The following AAK1 variants were observed in gnomAD, a reference collection of about 807,000 sequenced individuals.
AAK1 encodes the protein AP2 associated kinase 1, also known as AP2-associated protein kinase 1.
In AAK1, 37 loss-of-function variants were observed where a neutral mutation model predicts 116.0. The ratio of observed to expected loss-of-function variants is 0.32; its 90% CI spans 0.25 to 0.42. The LOEUF (loss-of-function observed/expected upper bound fraction) is 0.42. Among genes scored for constraint, AAK1 ranks in the 10% least tolerant of loss-of-function variants. The probability of loss-of-function intolerance (pLI) is 1.00; values close to 1 mark genes in which losing one functional copy is unlikely to be tolerated. For missense variants in AAK1, 919 were observed against 1,170.6 expected (o/e 0.79, Z 3.14); for synonymous variants, 458 against 439.9 (o/e 1.04, Z -0.51).
In AAK1 at chr2:69,530,123, C is replaced by T; in HGVS notation, c.756G>A (p.Leu252=). The part of the protein sequence containing the change: ...KADIWALGCL[L]YKLCYFTLPF... ...GCAAAGTGAAGTAGCATAATTTATA[C>T]AACAAACATCCAAGAGCCTAAAAAA... The change falls in exon 8 of 22, where the codon TTG becomes TTA. Residue 252 remains leucine, a synonymous_variant. Coordinates refer to ENST00000409085, the MANE Select transcript of AAK1 (RefSeq NM_014911.5). 1 of 1,609,332 alleles carries T rather than the reference C, an allele frequency of 6.2e-7. No individual in the cohort carries two copies. The highest frequency in any genetic ancestry group is 8.5e-7 in the Non-Finnish European group (1 of 1,178,510).
At chr2:69,480,814 T>C in intron 19 of AAK1, 46 bp downstream of exon 19, 1 of 1,514,456 alleles carries the variant, frequency 6.6e-7, no homozygotes, top group Non-Finnish European at 9.0e-7. Flanking sequence ...GCTCAGAGGT[T>C]CACCACACCG....
chr2:69,463,584 T>C lies in AAK1; in HGVS notation c.*12285A>G, dbSNP rs2104855733. The C allele has an allele frequency of 6.6e-6, 1 of 152,490 alleles. No homozygotes were observed. Among genetic ancestry groups the C allele is most frequent in the South Asian group, 2.1e-4 (1 of 4,834 alleles). The allele number at this position is 152,490 out of a possible 1,614,324, so 9.4% of individuals were successfully genotyped here. A position where few individuals can be genotyped will look rare whatever the true frequency, so the allele number is the denominator to read the frequency against. On this transcript the variant is annotated 3_prime_UTR_variant, in exon 22 of 22. Transcript: ENST00000409085. ...CAGAGTGCAGTGGCGCAATCTCTGC[T>C]CACTGCAACCTCTGCCTCCCGGGTT... is the stretch of plus-strand genomic sequence containing the variant.
At chr2:69,553,755 T>C (rs1224736059) in intron 3 of AAK1, among the ~76,000 whole-genome samples, 1 of 146,692 alleles carries the variant, frequency 6.8e-6, no homozygotes, top group Non-Finnish European at 1.5e-5. Flanking sequence ...ACCTGAAAGT[T>C]CAAAAAAATT....
Position 69,467,420 on chromosome 2 carries a change from C to T in AAK1, c.*8449G>A. 1.0e-6 allele frequency: 1 copy of T among 985,298 alleles called. No homozygotes were observed. The highest frequency in any genetic ancestry group is 1.2e-6 in the Non-Finnish European group (1 of 829,914). 61.0% of individuals were successfully genotyped at this position (985,298 alleles called of 1,614,324 possible). On this transcript the variant is annotated 3_prime_UTR_variant, in exon 22 of 22. Transcript: ENST00000409085. Reference sequence around the variant, plus strand: ...TCAGAATGCAAGAGAGCTTACCTTCCAAGAAATATTAGCAGGTTAGAAGTA... The same window carrying T: ...TCAGAATGCAAGAGAGCTTACCTTCTAAGAAATATTAGCAGGTTAGAAGTA...
chr2:69,461,930 G>C lies in AAK1; in HGVS notation c.*13939C>G. On this transcript the variant is annotated 3_prime_UTR_variant, in exon 22 of 22. Coordinates refer to ENST00000409085, the MANE Select transcript of AAK1 (RefSeq NM_014911.5). The stretch of plus-strand genomic sequence containing the variant: ...TTAAAAAGGATACAAGCTCATACTT[G>C]ACGAAGTATTCAACTATGTAGTAAA... 1 of 169,374 alleles carries C rather than the reference G, an allele frequency of 5.9e-6. No individual in the cohort carries two copies. The allele number at this position is 169,374 out of a possible 1,614,324, so 10.5% of individuals were successfully genotyped here. A position where few individuals can be genotyped will look rare whatever the true frequency, so the allele number is the denominator to read the frequency against.
intron 8 of AAK1, among the ~76,000 whole-genome samples, chr2:69,528,955 A>G (rs1241437321): frequency 7.2e-6 from 1 of 138,168 alleles, no homozygotes; most frequent in Non-Finnish European, 1.6e-5. Context: ...CAATCCAACA[A>G]TTATTAAATG....
At chr2:69,482,833 A>G in intron 17 of AAK1, 21 bp from the exon 18 acceptor site, 3 of 1,482,684 alleles carry the variant, frequency 2.0e-6, no homozygotes, top group Non-Finnish European at 2.8e-6. Flanking sequence ...CAGAGAGACA[A>G]AAAGAAAGCA....
At position 69,475,645 on chromosome 2, in the gene AAK1, C is replaced by T; in HGVS notation, c.*224G>A. On this transcript the variant is annotated 3_prime_UTR_variant, in exon 22 of 22. Transcript: ENST00000409085. Reference sequence around the variant, plus strand: ...CTATTGAAGAAGGGTAATGAGAAAACACAGCAAACTAACAAGGAGGAACTG... The same window carrying T: ...CTATTGAAGAAGGGTAATGAGAAAATACAGCAAACTAACAAGGAGGAACTG... 1 of 1,333,654 alleles carries T rather than the reference C, an allele frequency of 7.5e-7. No homozygotes were observed. 82.6% of individuals were successfully genotyped at this position (1,333,654 alleles called of 1,614,324 possible).
Position 69,474,658 on chromosome 2 carries a change from C to T in AAK1, c.*1211G>A, listed in dbSNP as rs1402420037. The T allele has an allele frequency of 8.1e-6, 8 of 985,576 alleles. No homozygotes were observed. In the African/African-American group the frequency reaches 1.4e-4, roughly 17 times the overall value. The allele number at this position is 985,576 out of a possible 1,614,324, so 61.1% of individuals were successfully genotyped here. ...CACACCCAGATTGTGTCCAGCTTGT[C>T]AGCACACTTATTTCTGATTATCTGA... On this transcript the variant is annotated 3_prime_UTR_variant, in exon 22 of 22. Coordinates refer to ENST00000409085, the MANE Select transcript of AAK1 (RefSeq NM_014911.5).
chr2:69,480,690 A>G (rs965638884), intron 19 of AAK1, among the ~76,000 whole-genome samples, 170 bp downstream of exon 19: 6 of 151,952 alleles, frequency 3.9e-5, no homozygotes, highest in African/African-American at 1.4e-4. Flanking sequence ...GCAAGGAAAT[A>G]TATCACTCAA....
chr2:69,525,215 T>C, intron 9 of AAK1, 103 bp from the exon 10 acceptor site: 1 of 1,180,918 alleles, frequency 8.5e-7, no homozygotes, highest in East Asian at 2.5e-5. Flanking sequence ...TGGAAACACA[T>C]TTTGGGATCT....
rs532665539 is a variant in AAK1 at position 69,641,088 on chromosome 2, A to C, written c.163+1790T>G. 5.3e-5 allele frequency among the ~76,000 whole-genome samples: 8 copies of C among 152,332 alleles called. No individual in the cohort carries two copies. In the South Asian group the frequency reaches 1.7e-3, roughly 32 times the overall value. The stretch of plus-strand genomic sequence containing the variant: ...CAGTTCTCAAAGATGAATCCCAGAG[A>C]AGAGGAAGGCAGCCTAGGTAACAAA... On this transcript the variant is annotated intron_variant, in intron 2 of 21. Coordinates refer to ENST00000409085, the MANE Select transcript of AAK1 (RefSeq NM_014911.5).
At chr2:69,570,364 A>G (rs1227862952) in intron 2 of AAK1, among the ~76,000 whole-genome samples, 2 of 151,926 alleles carry the variant, frequency 1.3e-5, no homozygotes, top group Non-Finnish European at 2.9e-5. Context: ...TGTCCCTGCC[A>G]GTCACCCAAA....
chr2:69,523,017 G>C (rs1310084072), intron 10 of AAK1, among the ~76,000 whole-genome samples: 2 of 152,188 alleles, frequency 1.3e-5, no homozygotes, highest in Non-Finnish European at 2.9e-5. Context: ...CCCTCTTTCA[G>C]CTTTGGGTCC....
intron 2 of AAK1, among the ~76,000 whole-genome samples, chr2:69,625,148 C>A (rs1002056229): frequency 5.3e-5 from 8 of 152,232 alleles, no homozygotes; most frequent in African/African-American, 1.9e-4. Context: ...TGATCTCAGA[C>A]AAGACCTTCG....
At chr2:69,607,046 C>CAAAAA (rs61156108) in intron 2 of AAK1, among the ~76,000 whole-genome samples, 1 of 68,852 alleles carries the variant, frequency 1.5e-5, no homozygotes, top group Non-Finnish European at 3.7e-5. Context: ...AGTCTTGCCT[C>CAAAAA]AAAAAAAAAA....
chr2:69,523,158 G>T (rs1252567143), intron 10 of AAK1, among the ~76,000 whole-genome samples: 1 of 152,202 alleles, frequency 6.6e-6, no homozygotes, highest in Admixed American at 6.5e-5. Context: ...GGACTTCAAT[G>T]AGTATGTTTT....
intron 2 of AAK1, among the ~76,000 whole-genome samples, chr2:69,632,916 C>T (rs1675259120): frequency 6.6e-6 from 1 of 152,026 alleles, no homozygotes; most frequent in Non-Finnish European, 1.5e-5. Flanking sequence ...ACCTGTAGTC[C>T]CAGCTACTCG....
chr2:69,509,583 A>T, intron 13 of AAK1, 123 bp from the exon 14 acceptor site: 1 of 787,242 alleles, frequency 1.3e-6, no homozygotes, highest in Non-Finnish European at 2.0e-6. Context: ...TGAAACTCAC[A>T]TGGCTAAGTT....
Sources: gnomAD v4.1 joint callset for allele counts (sites outside exome capture counted in the v4.1 genomes callset) on GRCh38, gnomAD v4.1.1 for gene constraint, MANE v1.5 for transcripts, NCBI Gene and HGNC (gene_info 2026-07-23, HGNC 2026-07-21) for gene names.